Variants in KSR1 observed in about 807,000 individuals in gnomAD.
KSR1 encodes the protein kinase suppressor of ras 1.
Under a neutral mutation model 92.9 loss-of-function variants are expected in KSR1, and 35 were observed. The ratio of observed to expected loss-of-function variants is 0.38; its 90% CI spans 0.29 to 0.50. KSR1 has a LOEUF of 0.50. Ranked by LOEUF, KSR1 falls within the 20% of genes least tolerant of loss-of-function variation. The probability of loss-of-function intolerance (pLI) is 0.94; values close to 1 mark genes in which losing one functional copy is unlikely to be tolerated. For missense variants in KSR1, 972 were observed against 1,158.5 expected (o/e 0.84, Z 2.34); for synonymous variants, 467 against 472.6 (o/e 0.99, Z 0.15).
At chr17:27,557,887 G>T (rs1327177011) in intron 2 of KSR1, among the ~76,000 whole-genome samples, 1 of 152,110 alleles carries the variant, frequency 6.6e-6, no homozygotes, top group African/African-American at 2.4e-5. Context: ...TTTCCCACTG[G>T]CTCCTATGTA....
At chr17:27,603,693 T>C (rs2073645949) in intron 11 of KSR1, 141 bp from the exon 12 acceptor site, 2 of 799,766 alleles carry the variant, frequency 2.5e-6, no homozygotes, top group South Asian at 3.1e-5. Context: ...AGGCTGGTCC[T>C]TGTGGGAGTG....
At chr17:27,551,911 C>A (rs1309902031) in intron 2 of KSR1, among the ~76,000 whole-genome samples, 2 of 152,180 alleles carry the variant, frequency 1.3e-5, no homozygotes, top group Admixed American at 6.5e-5. Context: ...TGGATCCCAT[C>A]CTTTTTCAGT....
chr17:27,526,080 C>CT (rs2070277769), intron 1 of KSR1, among the ~76,000 whole-genome samples: 3 of 72,650 alleles, frequency 4.1e-5, no homozygotes, highest in African/African-American at 2.0e-4. Flanking sequence ...CTCTTTCTTT[C>CT]TTTCTTTCTT....
chr17:27,474,864 C>T (rs1353796090), intron 1 of KSR1, among the ~76,000 whole-genome samples: 1 of 152,060 alleles, frequency 6.6e-6, no homozygotes, highest in African/African-American at 2.4e-5. Flanking sequence ...ATCACCTGAG[C>T]CAGAGTTCAA....
intron 1 of KSR1, among the ~76,000 whole-genome samples, chr17:27,538,743 A>G (rs2070843847): frequency 1.3e-5 from 2 of 152,212 alleles, no homozygotes; most frequent in South Asian, 4.1e-4. Context: ...CAGTCTGAGC[A>G]TGGTGCTCCA....
intron 2 of KSR1, among the ~76,000 whole-genome samples, chr17:27,564,721 C>G (rs1385939809): frequency 1.3e-5 from 2 of 149,680 alleles, no homozygotes; most frequent in African/African-American, 4.9e-5. Flanking sequence ...AATCACTGGG[C>G]TAAGAAGATG....
chr17:27,605,327 C>T (rs919302307), intron 13 of KSR1, 107 bp from the exon 14 acceptor site: 1 of 1,425,260 alleles, frequency 7.0e-7, no homozygotes, highest in Non-Finnish European at 9.3e-7. Context: ...GGTCCCCTGG[C>T]AGGATGCCTC....
At chr17:27,526,462 C>T in intron 1 of KSR1, 1 of 1,586,434 alleles carries the variant, frequency 6.3e-7, no homozygotes, top group Admixed American at 1.8e-5. Context: ...TTTTTTTTCC[C>T]AATACATCTT....
chr17:27,461,970 T>C (rs1190386870), intron 1 of KSR1, among the ~76,000 whole-genome samples: 1 of 146,948 alleles, frequency 6.8e-6, no homozygotes, highest in African/African-American at 2.5e-5. Context: ...CTCTCTAAGC[T>C]ATGCCTTTTT....
intron 1 of KSR1, among the ~76,000 whole-genome samples, chr17:27,521,199 G>T (rs564702754): frequency 6.6e-6 from 1 of 152,080 alleles, no homozygotes; most frequent in East Asian, 1.9e-4. Context: ...ATGTATACCC[G>T]CTCCAAGTGA....
intron 14 of KSR1, among the ~76,000 whole-genome samples, chr17:27,606,989 G>A (rs570124639): frequency 8.6e-5 from 13 of 151,992 alleles, no homozygotes; most frequent in East Asian, 7.7e-4. Flanking sequence ...GTGCCACCAC[G>A]CCTCGCTAAT....
intron 1 of KSR1, among the ~76,000 whole-genome samples, chr17:27,533,479 G>A (rs1376460281): frequency 6.6e-6 from 1 of 151,792 alleles, no homozygotes; most frequent in South Asian, 2.1e-4. Context: ...TGCCTCCCGG[G>A]TTCATGCAAT....
At chr17:27,544,809 G>A (rs529893143) in intron 1 of KSR1, among the ~76,000 whole-genome samples, 2 of 152,378 alleles carry the variant, frequency 1.3e-5, no homozygotes, top group Non-Finnish European at 2.9e-5. Context: ...GGCTGGGCTA[G>A]CAGGCCCCAC....
intron 3 of KSR1, among the ~76,000 whole-genome samples, chr17:27,580,295 G>A (rs2072699856): frequency 6.6e-6 from 1 of 152,196 alleles, no homozygotes; most frequent in South Asian, 2.1e-4. Flanking sequence ...AGTCATGGCT[G>A]TAGCTCGTAA....
chr17:27,481,693 G>T (rs760708909), intron 1 of KSR1, among the ~76,000 whole-genome samples: 4 of 152,162 alleles, frequency 2.6e-5, no homozygotes, highest in African/African-American at 9.7e-5. Flanking sequence ...GCTTCAGGGG[G>T]TGCAGTGGTT....
chr17:27,569,393 C>T (rs557726131), intron 2 of KSR1, among the ~76,000 whole-genome samples: 4 of 152,282 alleles, frequency 2.6e-5, no homozygotes, highest in African/African-American at 7.2e-5. Flanking sequence ...TGGGTGTGCC[C>T]GCAAGCCTGT....
chr17:27,461,036 GC>G (rs1190543227), intron 1 of KSR1, among the ~76,000 whole-genome samples: 1 of 152,050 alleles, frequency 6.6e-6, no homozygotes, highest in Non-Finnish European at 1.5e-5. Flanking sequence ...TGAACCCTTG[GC>G]CCATCCAACC....
intron 1 of KSR1, among the ~76,000 whole-genome samples, chr17:27,479,422 C>T (rs567115840): frequency 3.3e-5 from 5 of 152,326 alleles, no homozygotes; most frequent in South Asian, 2.1e-4. Context: ...GCTGGGTTCC[C>T]GTTCTCGCTG....
rs75708903 is a variant in KSR1 at position 27,487,586 on chromosome 17, TAA to T, written c.231+30727_231+30728del. On this transcript the variant is annotated intron_variant, in intron 1 of 20. Transcript: ENST00000644974. ...CAACGTGGTGAAACCCCATCTCTTT[TAA>T]AAAAAAAAAAAAAAGGTTTATTTGG... Among the ~76,000 whole-genome samples, 372 of 145,858 alleles carry T rather than the reference TAA, an allele frequency of 2.6e-3. 6 individuals are homozygous for T. The East Asian group carries it at 0.041, about 16-fold the overall frequency.
Sources: gnomAD v4.1 joint callset for allele counts (sites outside exome capture counted in the v4.1 genomes callset) on GRCh38, gnomAD v4.1.1 for gene constraint, MANE v1.5 for transcripts, NCBI Gene and HGNC (gene_info 2026-07-23, HGNC 2026-07-21) for gene names.